CLEC4D: variants seen among roughly 807,000 people sequenced by gnomAD.
CLEC4D encodes C-type lectin domain family 4 member D.
CLEC4D carries 21 observed loss-of-function variants against 21.1 expected under a neutral mutation model. The observed-to-expected ratio is 1.00, with a 90% CI of 0.71 to 1.43. The LOEUF (loss-of-function observed/expected upper bound fraction) is 1.43. Ranked by LOEUF, CLEC4D falls within the 40% of genes most tolerant of loss-of-function variation. The probability of loss-of-function intolerance (pLI) is 0.00; values close to 1 mark genes in which losing one functional copy is unlikely to be tolerated. For missense variants in CLEC4D, 289 were observed against 260.7 expected (o/e 1.11, Z -0.75); for synonymous variants, 85 against 83.1 (o/e 1.02, Z -0.12).
At chr12:8,528,150 A>G in the CLEC4D span, among the ~76,000 whole-genome samples, 2 of 152,332 alleles carry the variant, frequency 1.3e-5, no homozygotes, top group South Asian at 4.1e-4. Context: ...AGAAGCAATC[A>G]GATAATGAGG....
intron 1 of CLEC4D, among the ~76,000 whole-genome samples, chr12:8,514,440 A>G (rs1367261085): frequency 6.6e-6 from 1 of 152,128 alleles, no homozygotes; most frequent in Non-Finnish European, 1.5e-5. Flanking sequence ...AGATTACAGT[A>G]TGTGTTTTCT....
downstream of CLEC4D, among the ~76,000 whole-genome samples, chr12:8,527,340 C>A (rs1010624348): frequency 5.3e-5 from 8 of 152,206 alleles, no homozygotes. Context: ...CACCCCTCTC[C>A]CTAGGGGCCC....
At chr12:8,530,020 T>A in the CLEC4D span, among the ~76,000 whole-genome samples, 1 of 152,340 alleles carries the variant, frequency 6.6e-6, no homozygotes, top group East Asian at 1.9e-4. Flanking sequence ...TCTAGAAGAA[T>A]TTGTTTTTTT....
At chr12:8,526,420 T>G (rs1303456053), downstream of CLEC4D, among the ~76,000 whole-genome samples, 1 of 152,174 alleles carries the variant, frequency 6.6e-6, no homozygotes, top group Non-Finnish European at 1.5e-5. Context: ...TGTCTGCATG[T>G]CTTATTTCAG....
At chr12:8,520,107 A>G in intron 4 of CLEC4D, 119 bp from the exon 5 acceptor site, 1 of 1,430,760 alleles carries the variant, frequency 7.0e-7, no homozygotes, top group Non-Finnish European at 9.2e-7. Flanking sequence ...AAACAGATCT[A>G]TCTGATGCCA....
downstream of CLEC4D, among the ~76,000 whole-genome samples, chr12:8,523,294 AC>A (rs1303992562): frequency 2.6e-5 from 4 of 152,106 alleles, no homozygotes; most frequent in African/African-American, 9.7e-5. Flanking sequence ...GGGCAGTATG[AC>A]CATTTTCACA....
chr12:8,521,098 C>G, intron 5 of CLEC4D, 26 bp from the exon 6 acceptor site: 3 of 1,606,606 alleles, frequency 1.9e-6, no homozygotes, highest in Non-Finnish European at 2.5e-6. Flanking sequence ...ACCTATAAAT[C>G]TCTATCTATG....
chr12:8,529,350 C>T, the CLEC4D span, among the ~76,000 whole-genome samples: 7 of 152,142 alleles, frequency 4.6e-5, no homozygotes, highest in African/African-American at 1.7e-4. Context: ...TATGGTGGCT[C>T]AAGCTTGTAA....
intron 2 of CLEC4D, 129 bp downstream of exon 2, chr12:8,515,457 T>C: frequency 1.7e-6 from 1 of 574,690 alleles, no homozygotes; most frequent in Admixed American, 2.8e-5. Context: ...TTCAGGGTCT[T>C]GCACTGAATA....
intron 1 of CLEC4D, among the ~76,000 whole-genome samples, chr12:8,514,170 A>AT (rs763346617): frequency 1.3e-5 from 2 of 152,102 alleles, no homozygotes; most frequent in Non-Finnish European, 2.9e-5. Context: ...ATTAAATAAT[A>AT]TTTTTGATAG....
chr12:8,520,137 G>A, intron 4 of CLEC4D, 89 bp from the exon 5 acceptor site: 1 of 1,519,366 alleles, frequency 6.6e-7, no homozygotes, highest in South Asian at 1.2e-5. Flanking sequence ...TGCTTAACCA[G>A]TAATCTAGTT....
chr12:8,520,092 T>C, intron 4 of CLEC4D, 134 bp from the exon 5 acceptor site: 1 of 1,380,990 alleles, frequency 7.2e-7, no homozygotes, highest in Non-Finnish European at 9.5e-7. Context: ...ACAGGCAGGA[T>C]TTGAAAACAG....
chr12:8,514,336 G>A (rs1426231825), intron 1 of CLEC4D, among the ~76,000 whole-genome samples: 2 of 151,952 alleles, frequency 1.3e-5, no homozygotes, highest in Admixed American at 6.6e-5. Context: ...AATATATACT[G>A]ATTACATGCT....
At chr12:8,516,869 T>TA (rs1201095833) in intron 2 of CLEC4D, among the ~76,000 whole-genome samples, 1 of 152,218 alleles carries the variant, frequency 6.6e-6, no homozygotes, top group Non-Finnish European at 1.5e-5. Context: ...GTAGAATAGA[T>TA]AAATATATTT....
In CLEC4D at chr12:8,513,597, C is replaced by G. The variant is rs1940336183; in HGVS notation, c.-136C>G. The G allele has an allele frequency of 1.1e-5, 6 of 536,526 alleles. No individual in the cohort carries two copies. The South Asian group carries it at 1.6e-4, about 14-fold the overall frequency. 33.2% of individuals were successfully genotyped at this position (536,526 alleles called of 1,614,324 possible). ...TTATACTGGTACCTTTCTAATCTCA[C>G]TACAATATGTAACATTGGTGTTCGA... On this transcript the variant is annotated 5_prime_UTR_variant, in exon 1 of 6. Coordinates refer to ENST00000299665, the MANE Select transcript of CLEC4D (RefSeq NM_080387.5).
At chr12:8,513,787 C>A in intron 1 of CLEC4D, 27 bp downstream of exon 1, 1 of 957,700 alleles carries the variant, frequency 1.0e-6, no homozygotes. Context: ...CTTTCCATTT[C>A]AAAGAAGCAG....
At chr12:8,524,523 A>T (rs1298656044), downstream of CLEC4D, among the ~76,000 whole-genome samples, 2 of 151,962 alleles carry the variant, frequency 1.3e-5, no homozygotes, top group African/African-American at 2.4e-5. Context: ...GGGGGTTTGT[A>T]TTTCTGTGGG....
At chr12:8,519,968 G>A (rs1429751949) in intron 4 of CLEC4D, among the ~76,000 whole-genome samples, 2 of 152,198 alleles carry the variant, frequency 1.3e-5, no homozygotes, top group African/African-American at 2.4e-5. Flanking sequence ...TGCTAAAAGG[G>A]TTGCAAGTCT....
rs765226375 is a variant in CLEC4D, at chr12:8,521,547, T to C, written c.*276T>C. On this transcript the variant is annotated 3_prime_UTR_variant, in exon 6 of 6. Transcript: ENST00000299665. ...GTATTTCAAGGTGTTTACTTTTCAA[T>C]TGGTGTGCACTGAATGCATGTATGG... The C allele has an allele frequency of 1.6e-5, 7 of 435,306 alleles. No homozygotes were observed. In the East Asian group the frequency reaches 1.8e-4, roughly 11 times the overall value. 27.0% of individuals were successfully genotyped at this position (435,306 alleles called of 1,614,324 possible). A position where few individuals can be genotyped will look rare whatever the true frequency, so the allele number is the denominator to read the frequency against.
Sources: allele counts gnomAD v4.1 joint callset (sites outside exome capture counted in the v4.1 genomes callset), GRCh38; gene constraint gnomAD v4.1.1; transcripts MANE v1.5; gene names NCBI Gene and HGNC (gene_info 2026-07-23, HGNC 2026-07-21).